The following MCM9 variants were observed in gnomAD, a reference collection of about 807,000 sequenced individuals.
MCM9 encodes DNA helicase MCM9.
Under a neutral mutation model 72.8 loss-of-function variants are expected in MCM9, and 55 were observed. The observed-to-expected ratio is 0.76, with a 90% CI of 0.61 to 0.95. MCM9 has a LOEUF of 0.95. Among genes scored for constraint, MCM9 ranks in the 40% least tolerant of loss-of-function variants. The pLI, the probability that MCM9 is intolerant of heterozygous loss-of-function variation, is 0.00. For missense variants in MCM9, 1,279 were observed against 1,377.0 expected, an observed-to-expected ratio of 0.93 and a Z score of 1.13; for synonymous variants, 480 against 503.4, an observed-to-expected ratio of 0.95 and a Z score of 0.62.
chr6:118,885,846 A>T (rs557213690), intron 8 of MCM9, among the ~76,000 whole-genome samples: 48 of 152,226 alleles, frequency 3.2e-4, no homozygotes, highest in African/African-American at 1.1e-3. Flanking sequence ...ACCAAAAATC[A>T]GACACAGACA....
intron 8 of MCM9, among the ~76,000 whole-genome samples, chr6:118,878,111 A>G (rs1778055681): frequency 6.6e-6 from 1 of 152,184 alleles, no homozygotes; most frequent in Non-Finnish European, 1.5e-5. Context: ...GCAGTGAGCT[A>G]TGATAACACT....
chr6:118,839,776 C>T (rs1396349277), intron 9 of MCM9, among the ~76,000 whole-genome samples: 1 of 152,192 alleles, frequency 6.6e-6, no homozygotes, highest in African/African-American at 2.4e-5. Context: ...AAGATTGCTG[C>T]CTGTTCCTTC....
chr6:118,843,500 T>C (rs1291742416), intron 9 of MCM9, among the ~76,000 whole-genome samples: 2 of 150,534 alleles, frequency 1.3e-5, no homozygotes, highest in Admixed American at 1.3e-4. Flanking sequence ...TGGTGACGCA[T>C]GCCTGTAATC....
In MCM9 at chr6:118,930,255, C is replaced by T. The variant is rs188172677; in HGVS notation, c.304+1165G>A. 4.6e-5 allele frequency among the ~76,000 whole-genome samples: 7 copies of T among 152,130 alleles called. No homozygotes were observed. The South Asian group carries it at 8.3e-4, about 18-fold the overall frequency. Reference sequence around the variant, plus strand: ...CCTTCTGAGTAGCTGGGACTACAGGCGCCCGCCACCATGCCCGGCTAATTT... The same window carrying T: ...CCTTCTGAGTAGCTGGGACTACAGGTGCCCGCCACCATGCCCGGCTAATTT... On this transcript the variant is annotated intron_variant, in intron 3 of 13. Transcript: ENST00000619706.
At chr6:118,917,002 T>C (rs911532780) in intron 6 of MCM9, among the ~76,000 whole-genome samples, 1 of 152,172 alleles carries the variant, frequency 6.6e-6, no homozygotes, top group African/African-American at 2.4e-5. Context: ...ACACTTGAGA[T>C]TTTTTAATAA....
intron 8 of MCM9, among the ~76,000 whole-genome samples, chr6:118,860,895 G>A (rs904332115): frequency 6.6e-6 from 1 of 152,176 alleles, no homozygotes; most frequent in East Asian, 1.9e-4. Context: ...TCCTTAGGAT[G>A]TCGCTTTGCC....
At chr6:118,870,601 C>T (rs573591444) in intron 8 of MCM9, among the ~76,000 whole-genome samples, 1 of 151,704 alleles carries the variant, frequency 6.6e-6, no homozygotes, top group African/African-American at 2.4e-5. Flanking sequence ...ATAACCCGAG[C>T]TCAATGTTAG....
chr6:118,821,605 T>C (rs1773815782), intron 13 of MCM9, among the ~76,000 whole-genome samples: 1 of 152,146 alleles, frequency 6.6e-6, no homozygotes, highest in African/African-American at 2.4e-5. Context: ...TGTCTTGGAG[T>C]TGCCCTTCTC....
At position 118,826,249 on chromosome 6, in the gene MCM9, A is replaced by G; in HGVS notation, c.1859T>C (p.Phe620Ser). ...GTACTGCTCTCCAGGGTTTTCAGGA[A>G]AGGAAGTGTGGAGGGCATTCACACC... ...LGGVNALHTS[F>S]PENPGEQYQR... is the part of the protein sequence containing the mutation. Residue 620 changes from phenylalanine (F) to serine (S), a missense_variant, in exon 13 of 14, where the codon TTT (phenylalanine) becomes TCT (serine). By Grantham distance (155) the Phe-to-Ser change is radical. Transcript: ENST00000619706. The G allele has an allele frequency of 1.9e-6, 3 of 1,550,464 alleles. No homozygotes were observed. The highest frequency in any genetic ancestry group is 2.6e-6 in the Non-Finnish European group (3 of 1,146,926).
chr6:118,904,867 C>T (rs1312026731), intron 8 of MCM9, among the ~76,000 whole-genome samples: 1 of 152,212 alleles, frequency 6.6e-6, no homozygotes, highest in East Asian at 1.9e-4. Context: ...GAGACGGAGT[C>T]TCACTCTGTC....
intron 9 of MCM9, among the ~76,000 whole-genome samples, chr6:118,834,944 A>C (rs1294087421): frequency 6.6e-6 from 1 of 152,140 alleles, no homozygotes. Flanking sequence ...TATGTCCTGA[A>C]TGCTATCACC....
chr6:118,863,489 A>T (rs1777031681), intron 8 of MCM9, among the ~76,000 whole-genome samples: 1 of 152,250 alleles, frequency 6.6e-6, no homozygotes, highest in Non-Finnish European at 1.5e-5. Context: ...GGGACAAAGA[A>T]CAAGGGCAAC....
intron 8 of MCM9, among the ~76,000 whole-genome samples, chr6:118,892,939 ACAAAT>A (rs1359892644): frequency 6.6e-6 from 1 of 152,244 alleles, no homozygotes; most frequent in Non-Finnish European, 1.5e-5. Context: ...CCAAAGAATG[ACAAAT>A]CAAAATTCTG....
chr6:118,834,027 GC>G (rs1239693105), intron 9 of MCM9, among the ~76,000 whole-genome samples: 4 of 151,184 alleles, frequency 2.6e-5, no homozygotes, highest in Non-Finnish European at 5.9e-5. Flanking sequence ...CCCTCCCCTA[GC>G]CCCCCACCCA....
intron 8 of MCM9, among the ~76,000 whole-genome samples, chr6:118,859,049 G>A (rs1437348551): frequency 1.3e-5 from 2 of 152,136 alleles, no homozygotes; most frequent in African/African-American, 2.4e-5. Flanking sequence ...GTGTGGTACT[G>A]GAAAAAGGTT....
chr6:118,838,534 C>G (rs1775129803), intron 9 of MCM9, among the ~76,000 whole-genome samples: 1 of 152,008 alleles, frequency 6.6e-6, no homozygotes. Context: ...TCATGATTCT[C>G]CTGCCTCAGC....
Position 118,863,509 on chromosome 6 carries a change from T to C in MCM9, c.1151-6964A>G, listed in dbSNP as rs529858987. Among the ~76,000 whole-genome samples, 19 of 152,116 alleles carry C rather than the reference T, an allele frequency of 1.2e-4. 1 individual carries two copies. The highest frequency in any genetic ancestry group is 3.9e-4 in the African/African-American group (16 of 41,498). ...AAAGAACAAGGGCAACAAATAAAAA[T>C]AGTAACAAATATGGCACATGTTATG... On this transcript the variant is annotated intron_variant, in intron 8 of 13. Transcript: ENST00000619706.
intron 8 of MCM9, among the ~76,000 whole-genome samples, chr6:118,887,769 C>T (rs1217518130): frequency 6.6e-6 from 1 of 152,006 alleles, no homozygotes; most frequent in African/African-American, 2.4e-5. Context: ...GGAACTCTTA[C>T]AACTCAATGA....
At chr6:118,863,169 G>A (rs565275910) in intron 8 of MCM9, among the ~76,000 whole-genome samples, 8 of 152,200 alleles carry the variant, frequency 5.3e-5, no homozygotes, top group African/African-American at 1.9e-4. Context: ...AATTGTATAT[G>A]CATAGGTATA....
Sources: allele counts gnomAD v4.1 joint callset (sites outside exome capture counted in the v4.1 genomes callset), GRCh38; gene constraint gnomAD v4.1.1; transcripts MANE v1.5; gene names NCBI Gene and HGNC (gene_info 2026-07-23, HGNC 2026-07-21).